ATP10A: variants seen among roughly 807,000 people sequenced by gnomAD.
The protein encoded by ATP10A is phospholipid-transporting ATPase VA.
Under a neutral mutation model 147.8 loss-of-function variants are expected in ATP10A, and 111 were observed. The ratio of observed to expected loss-of-function variants is 0.75; its 90% CI spans 0.64 to 0.88. The LOEUF (loss-of-function observed/expected upper bound fraction) is 0.88, where lower values mean the gene tolerates loss of function less well. Among genes scored for constraint, ATP10A ranks in the 40% least tolerant of loss-of-function variants. The pLI, the probability that ATP10A is intolerant of heterozygous loss-of-function variation, is 0.00. For missense variants in ATP10A, 1,927 were observed against 1,959.0 expected, an observed-to-expected ratio of 0.98 and a Z score of 0.31; for synonymous variants, 875 against 841.6, an observed-to-expected ratio of 1.04 and a Z score of -0.69.
chr15:25,804,207 TGTGC>T (rs1340937364), intron 1 of ATP10A, among the ~76,000 whole-genome samples: 1 of 151,752 alleles, frequency 6.6e-6, no homozygotes, highest in Admixed American at 6.6e-5. Context: ...TTGGTATGTG[TGTGC>T]ATCTGTGTGT....
At chr15:25,753,721 C>G (rs932621985) in intron 2 of ATP10A, among the ~76,000 whole-genome samples, 1 of 149,852 alleles carries the variant, frequency 6.7e-6, no homozygotes, top group South Asian at 2.1e-4. Context: ...GCTGCAGTTT[C>G]TATCTATATA....
Position 25,718,320 on chromosome 15 carries a change from G to A in ATP10A, c.1443C>T (p.Arg481=), listed in dbSNP as rs751508137. The part of the protein sequence containing the change: ...VVPRGGSVSQ[R]GSIGSHQSVR... Reference sequence around the variant, plus strand: ...CACTCTGGTGGCTGCCGATGCTGCCGCGCTGGGACACCGAGCCCCCTCTGG... The same window carrying A: ...CACTCTGGTGGCTGCCGATGCTGCCACGCTGGGACACCGAGCCCCCTCTGG... The change falls in exon 8 of 21, where the codon CGC becomes CGT. Residue 481 remains arginine (R), a synonymous_variant. Coordinates refer to ENST00000555815, the MANE Select transcript of ATP10A (RefSeq NM_024490.4). 1.1e-5 allele frequency: 17 copies of A among 1,611,036 alleles called. No homozygotes were observed. The highest frequency in any genetic ancestry group is 2.2e-5 in the South Asian group (2 of 90,878).
chr15:25,761,176 A>G (rs552993772), intron 2 of ATP10A, among the ~76,000 whole-genome samples: 1 of 152,236 alleles, frequency 6.6e-6, no homozygotes, highest in Non-Finnish European at 1.5e-5. Context: ...GTCAGACGAA[A>G]AAAGGACACA....
chr15:25,713,925 G>A lies in ATP10A; in HGVS notation c.2093C>T (p.Pro698Leu), dbSNP rs765542598. ...CGCATACACCAGTGCGGCCTCATCC[G>A]GGCTCTCCGCCTCGTACCGCAGCTC... ...ERELRYEAES[P>L]DEAALVYAAR... Residue 698 changes from proline (P) to leucine (L), a missense_variant, in exon 10 of 21, where the codon CCG becomes CTG. By Grantham distance (98) the Pro-to-Leu change is moderately conservative. Coordinates refer to ENST00000555815, the MANE Select transcript of ATP10A (RefSeq NM_024490.4). 1.2e-6 allele frequency: 2 copies of A among 1,612,412 alleles called. No individual in the cohort carries two copies. The highest frequency in any genetic ancestry group is 1.7e-6 in the Non-Finnish European group (2 of 1,180,026).
intron 1 of ATP10A, among the ~76,000 whole-genome samples, chr15:25,813,148 T>G (rs1274365422): frequency 1.3e-5 from 2 of 152,094 alleles, no homozygotes; most frequent in East Asian, 3.9e-4. Flanking sequence ...TACATGCATG[T>G]GAGGAGACTT....
chr15:25,683,723 TG>T, intron 16 of ATP10A: 6 of 556,530 alleles, frequency 1.1e-5, no homozygotes, highest in South Asian at 8.9e-5. Context: ...CAGTGGGAAT[TG>T]GGAATTCCCA....
intron 1 of ATP10A, among the ~76,000 whole-genome samples, chr15:25,856,467 G>A (rs774607875): frequency 2.0e-5 from 3 of 152,170 alleles, no homozygotes; most frequent in Non-Finnish European, 4.4e-5. Flanking sequence ...AGCAGCCTGA[G>A]AATGGACTAA....
intron 8 of ATP10A, 52 bp downstream of exon 8, chr15:25,718,130 A>C (rs779257148): frequency 4.3e-5 from 68 of 1,570,240 alleles, no homozygotes; most frequent in Non-Finnish European, 5.5e-5. Flanking sequence ...GGGGATGGTG[A>C]AAATGGGGAA....
chr15:25,728,962 G>A (rs1051331480), intron 3 of ATP10A, among the ~76,000 whole-genome samples: 6 of 152,212 alleles, frequency 3.9e-5, no homozygotes, highest in South Asian at 4.1e-4. Flanking sequence ...GCTAGAGGCT[G>A]CCTTGGGCTT....
chr15:25,801,189 C>T (rs1890919506), intron 1 of ATP10A, among the ~76,000 whole-genome samples: 1 of 152,146 alleles, frequency 6.6e-6, no homozygotes, highest in East Asian at 1.9e-4. Context: ...AGGACATGTG[C>T]TCCAAATGCC....
downstream of ATP10A, chr15:25,677,310 A>T (rs1343211053): frequency 6.6e-6 from 1 of 152,134 alleles, no homozygotes; most frequent in African/African-American, 2.4e-5. Context: ...GATTTCCATA[A>T]TACTCCCCAT....
chr15:25,721,766 T>G lies in ATP10A; in HGVS notation c.1254A>C (p.Leu418Phe). 2 of 1,614,242 alleles carry G rather than the reference T, an allele frequency of 1.2e-6. No individual in the cohort carries two copies. The highest frequency in any genetic ancestry group is 1.7e-6 in the Non-Finnish European group (2 of 1,180,042). Residue 418 changes from leucine (L) to phenylalanine (F), a missense_variant, in exon 7 of 21, where the codon TTA becomes TTC. Coordinates refer to ENST00000555815, the MANE Select transcript of ATP10A (RefSeq NM_024490.4). ...QCRALNITEDLGQIQYIFSDK... is the reference protein window; with the variant it reads ...QCRALNITEDFGQIQYIFSDK... ...CTGAGAAAATGTACTGTATCTGTCCTAAGTCTTCCGTGATGTTCAGAGCTC... is the reference window on the plus strand; with the variant it reads ...CTGAGAAAATGTACTGTATCTGTCCGAAGTCTTCCGTGATGTTCAGAGCTC...
At chr15:25,826,250 G>C (rs1418379363) in intron 1 of ATP10A, among the ~76,000 whole-genome samples, 1 of 152,154 alleles carries the variant, frequency 6.6e-6, no homozygotes, top group East Asian at 1.9e-4. Flanking sequence ...ACAAAAAGAA[G>C]AAAGTACAGT....
downstream of ATP10A, among the ~76,000 whole-genome samples, chr15:25,676,275 C>T (rs544589495): frequency 3.3e-5 from 5 of 152,266 alleles, no homozygotes; most frequent in South Asian, 2.1e-4. Flanking sequence ...GTCAGGGAGC[C>T]GGGACCCTCT....
intron 3 of ATP10A, among the ~76,000 whole-genome samples, chr15:25,732,809 C>A (rs928792724): frequency 7.9e-5 from 12 of 152,004 alleles, no homozygotes; most frequent in Admixed American, 3.3e-4. Context: ...CCCGCCCCGG[C>A]CTCCCAAAGT....
chr15:25,681,664 A>G (rs1021353967), intron 17 of ATP10A, among the ~76,000 whole-genome samples: 1 of 152,180 alleles, frequency 6.6e-6, no homozygotes, highest in South Asian at 2.1e-4. Flanking sequence ...GATGAAAAGC[A>G]CTACCAAACA....
intron 7 of ATP10A, among the ~76,000 whole-genome samples, chr15:25,719,295 C>A (rs943656371): frequency 6.6e-6 from 1 of 152,178 alleles, no homozygotes; most frequent in Non-Finnish European, 1.5e-5. Flanking sequence ...TCTTAATAGA[C>A]CCTCTGTGAG....
chr15:25,713,645 G>T, intron 10 of ATP10A, 29 bp downstream of exon 10: 1 of 1,605,238 alleles, frequency 6.2e-7, no homozygotes, highest in Non-Finnish European at 8.5e-7. Context: ...CCCCCGAGCT[G>T]GGGTGCAGCT....
intron 2 of ATP10A, among the ~76,000 whole-genome samples, chr15:25,748,111 C>T (rs528956964): frequency 6.6e-5 from 10 of 152,146 alleles, no homozygotes; most frequent in South Asian, 2.1e-4. Context: ...TACAGGCACC[C>T]GCCACCACAC....
Sources: gnomAD v4.1 joint callset for allele counts (sites outside exome capture counted in the v4.1 genomes callset) on GRCh38, gnomAD v4.1.1 for gene constraint, MANE v1.5 for transcripts, NCBI Gene and HGNC (gene_info 2026-07-23, HGNC 2026-07-21) for gene names.